The following AASS variants were observed in gnomAD, a reference collection of about 807,000 sequenced individuals.
The protein encoded by AASS is alpha-aminoadipic semialdehyde synthase, mitochondrial.
Under a neutral mutation model 105.4 loss-of-function variants are expected in AASS, and 86 were observed. That is an observed-to-expected ratio of 0.82 (90% CI 0.69 to 0.98). AASS has a LOEUF of 0.98. Ranked by LOEUF, AASS falls within the 50% of genes least tolerant of loss-of-function variation. The pLI, the probability that AASS is intolerant of heterozygous loss-of-function variation, is 0.00. For synonymous variants in AASS, 381 were observed against 394.8 expected, an observed-to-expected ratio of 0.96 and a Z score of 0.41; for missense variants, 1,048 against 1,143.2, an observed-to-expected ratio of 0.92 and a Z score of 1.20.
At chr7:122,144,037 G>A (rs1185111528) in intron 1 of AASS, 124 bp downstream of exon 1, 2 of 152,182 alleles carry the variant, frequency 1.3e-5, no homozygotes, top group Admixed American at 6.5e-5. Context: ...GGGACCCGAA[G>A]GCCAGGCTCG....
intron 15 of AASS, 120 bp from the exon 16 acceptor site, chr7:122,093,278 A>C: frequency 1.3e-6 from 1 of 782,302 alleles, no homozygotes; most frequent in Non-Finnish European, 2.2e-6. Context: ...TCTCTCAGAA[A>C]AGGGAACACT....
chr7:122,110,126 ATATAG>A (rs1794864007), intron 11 of AASS, among the ~76,000 whole-genome samples: 1 of 152,036 alleles, frequency 6.6e-6, no homozygotes, highest in Non-Finnish European at 1.5e-5. Context: ...AAAATAAAGA[ATATAG>A]TATAGGTAAG....
chr7:122,105,586 C>G (rs941360566), intron 11 of AASS, among the ~76,000 whole-genome samples: 1 of 151,938 alleles, frequency 6.6e-6, no homozygotes, highest in African/African-American at 2.4e-5. Flanking sequence ...ACTTTGGAAA[C>G]TACAAACACA....
intron 20 of AASS, among the ~76,000 whole-genome samples, chr7:122,081,189 G>A (rs1241868941): frequency 6.6e-6 from 1 of 152,134 alleles, no homozygotes; most frequent in Non-Finnish European, 1.5e-5. Context: ...TCCCATCACT[G>A]GGTCACCACC....
intron 11 of AASS, among the ~76,000 whole-genome samples, chr7:122,102,383 T>G (rs916196415): frequency 2.0e-5 from 3 of 151,864 alleles, no homozygotes; most frequent in Non-Finnish European, 4.4e-5. Context: ...GTAATGGGCA[T>G]GTAAGTTAGT....
chr7:122,119,916 C>T (rs1298200999), intron 4 of AASS, among the ~76,000 whole-genome samples: 1 of 152,158 alleles, frequency 6.6e-6, no homozygotes. Flanking sequence ...TCTGTGACAC[C>T]TGCCTGTATG....
chr7:122,114,996 C>T (rs1795099910), intron 9 of AASS, 78 bp downstream of exon 9: 3 of 1,597,736 alleles, frequency 1.9e-6, no homozygotes, highest in Admixed American at 3.3e-5. Context: ...ATCAAGTCCT[C>T]TGATATGTGA....
Position 122,129,480 on chromosome 7 carries a change from A to C in AASS, c.268T>G (p.Leu90Val). Residue 90 changes from leucine to valine, a missense_variant, in exon 3 of 24, where the codon TTA becomes GTA. Coordinates refer to ENST00000417368, the MANE Select transcript of AASS (RefSeq NM_005763.4). ...QEDISEACLILGVKRPPEEKL... is the reference protein window; with the variant it reads ...QEDISEACLIVGVKRPPEEKL... ...TCCTCTGGAGGTCTTTTAACTCCTA[A>C]AATTAGACAAGCTTCAGAAATATCC... 6.2e-7 allele frequency: 1 copy of C among 1,613,596 alleles called. No homozygotes were observed. Among genetic ancestry groups the C allele is most frequent in the Non-Finnish European group, 8.5e-7 (1 of 1,179,726 alleles).
In AASS at chr7:122,129,603, A is replaced by C. The variant is rs1176922361; in HGVS notation, c.211-66T>G. The C allele has an allele frequency of 3.4e-6, 5 of 1,455,504 alleles. No homozygotes were observed. The African/African-American group carries it at 5.6e-5, about 16-fold the overall frequency. 90.2% of individuals were successfully genotyped at this position (1,455,504 alleles called of 1,614,324 possible). ...GTAATATCCATGTTTTCTTGAGCAA[A>C]ATGTGTAGCAAAGGCACAACAAATC... is the stretch of plus-strand genomic sequence containing the variant. On this transcript the variant is annotated intron_variant, in intron 2 of 23. Transcript: ENST00000417368.
rs1795917283 is a variant in AASS, at chr7:122,131,532, G to A, written c.210+1985C>T. ...TATAAAATTTTAAAGGTAAAAAGTT[G>A]TGCAATGTTAAATTTTAATTTTCCT... On this transcript the variant is annotated intron_variant, in intron 2 of 23. Transcript: ENST00000417368. 2.0e-5 allele frequency among the ~76,000 whole-genome samples: 3 copies of A among 151,944 alleles called. 1 individual carries two copies. The South Asian group carries it at 6.2e-4, about 32-fold the overall frequency.
At chr7:122,111,595 G>A (rs1404666920) in intron 11 of AASS, among the ~76,000 whole-genome samples, 1 of 152,156 alleles carries the variant, frequency 6.6e-6, no homozygotes, top group Non-Finnish European at 1.5e-5. Flanking sequence ...TTTAGAAGTA[G>A]AGAAACTGTT....
rs772283434 is a variant in AASS at position 122,076,457 on chromosome 7, C to T, written c.*32G>A. On this transcript the variant is annotated 3_prime_UTR_variant, in exon 24 of 24. Transcript: ENST00000417368. The stretch of plus-strand genomic sequence containing the variant: ...ACACACATGTTCAGAGGTGTATTGC[C>T]TGGGAAGAAAAAAACAAAATATAAT... 2.8e-6 allele frequency: 4 copies of T among 1,447,388 alleles called. No individual in the cohort carries two copies. The highest frequency in any genetic ancestry group is 3.9e-6 in the Non-Finnish European group (4 of 1,028,460). The allele number at this position is 1,447,388 out of a possible 1,614,324, so 89.7% of individuals were successfully genotyped here. A position where few individuals can be genotyped will look rare whatever the true frequency, so the allele number is the denominator to read the frequency against.
chr7:122,098,501 T>C lies in AASS; in HGVS notation c.1604A>G (p.Lys535Arg), dbSNP rs746263286. ...CAAGAAGCCCAGCTTCTCTTCTTGT[T>C]TACAAATGTCCATGCTAACAGGATT... ...NINPVSMDIC[K>R]QEEKLGFLVA... Residue 535 changes from lysine to arginine, a missense_variant, in exon 15 of 24, where the codon AAA becomes AGA. Transcript: ENST00000417368. 1.2e-6 allele frequency: 2 copies of C among 1,612,194 alleles called. No homozygotes were observed. Among genetic ancestry groups the C allele is most frequent in the East Asian group, 4.5e-5 (2 of 44,804 alleles).
intron 19 of AASS, among the ~76,000 whole-genome samples, chr7:122,083,242 A>G (rs928301379): frequency 6.6e-6 from 1 of 152,196 alleles, no homozygotes; most frequent in African/African-American, 2.4e-5. Flanking sequence ...GCTCTAATTC[A>G]AATGCAAATA....
intron 19 of AASS, among the ~76,000 whole-genome samples, chr7:122,084,104 AG>A (rs1347035005): frequency 2.0e-5 from 3 of 152,144 alleles, no homozygotes; most frequent in African/African-American, 4.8e-5. Flanking sequence ...CAAAAAAAAA[AG>A]TTTTTACTCA....
chr7:122,082,200 T>C (rs565228056), intron 19 of AASS, among the ~76,000 whole-genome samples: 5 of 152,280 alleles, frequency 3.3e-5, no homozygotes, highest in Admixed American at 1.3e-4. Context: ...TCCTCATATG[T>C]CCTTCATTGT....
Position 122,113,125 on chromosome 7 carries a change from T to C in AASS, c.1271A>G (p.Glu424Gly). 6.2e-7 allele frequency: 1 copy of C among 1,613,618 alleles called. No homozygotes were observed. Among genetic ancestry groups the C allele is most frequent in the Non-Finnish European group, 8.5e-7 (1 of 1,179,568 alleles). Residue 424 changes from glutamate (E) to glycine (G), a missense_variant, in exon 11 of 24, where the codon GAA becomes GGA. Glu to Gly is a moderately conservative substitution (Grantham distance 98). Transcript: ENST00000417368. ...CFGDMLYPYV[E>G]EMILSDATQP... The stretch of plus-strand genomic sequence containing the variant: ...TATTACCAGTCTGCTTACCATTTCT[T>C]CAACATAAGGGTAAAGCATGTCTCC...
At chr7:122,114,339 G>T (rs550497119) in intron 9 of AASS, among the ~76,000 whole-genome samples, 2 of 152,272 alleles carry the variant, frequency 1.3e-5, no homozygotes, top group South Asian at 4.1e-4. Flanking sequence ...TGCGCCCAAT[G>T]CTTCTGCTTT....
intron 11 of AASS, among the ~76,000 whole-genome samples, chr7:122,105,176 C>G (rs758278939): frequency 6.6e-6 from 1 of 152,020 alleles, no homozygotes; most frequent in Non-Finnish European, 1.5e-5. Flanking sequence ...GAAGTCATAG[C>G]AATTGTAAAT....
Sources: gnomAD v4.1 joint callset for allele counts (sites outside exome capture counted in the v4.1 genomes callset) on GRCh38, gnomAD v4.1.1 for gene constraint, MANE v1.5 for transcripts, NCBI Gene and HGNC (gene_info 2026-07-23, HGNC 2026-07-21) for gene names.